The following LIN54 variants were observed in gnomAD, a reference collection of about 807,000 sequenced individuals.
The protein encoded by LIN54 is lin-54 DREAM MuvB core complex component, also known as protein lin-54 homolog.
A neutral mutation model predicts 78.7 loss-of-function variants in LIN54; 9 were observed. The ratio of observed to expected loss-of-function variants is 0.11; its 90% CI spans 0.07 to 0.20. LIN54 has a LOEUF of 0.20. Ranked by LOEUF, LIN54 falls within the 10% of genes least tolerant of loss-of-function variation. The probability of loss-of-function intolerance (pLI) is 1.00; values close to 1 mark genes in which losing one functional copy is unlikely to be tolerated. For synonymous variants in LIN54, 269 were observed against 318.4 expected, an observed-to-expected ratio of 0.84 and a Z score of 1.65; for missense variants, 573 against 889.9, an observed-to-expected ratio of 0.64 and a Z score of 4.53.
chr4:82,960,844 T>A (rs1037187125), intron 4 of LIN54, among the ~76,000 whole-genome samples: 15 of 152,102 alleles, frequency 9.9e-5, no homozygotes, highest in Admixed American at 3.9e-4. Flanking sequence ...GTAGGTCGCT[T>A]GAACCCAGGA....
intron 1 of LIN54, among the ~76,000 whole-genome samples, chr4:82,997,571 C>T (rs542076873): frequency 6.6e-6 from 1 of 152,110 alleles, no homozygotes; most frequent in South Asian, 2.1e-4. Flanking sequence ...AACATGATCA[C>T]AGTTATATTT....
chr4:82,971,539 A>G (rs1271498687), intron 3 of LIN54, among the ~76,000 whole-genome samples: 1 of 150,280 alleles, frequency 6.7e-6, no homozygotes, highest in Non-Finnish European at 1.5e-5. Context: ...ATTGAATTTA[A>G]AAAAAAAAAA....
At chr4:82,966,763 C>T (rs1232747607) in intron 4 of LIN54, among the ~76,000 whole-genome samples, 2 of 152,018 alleles carry the variant, frequency 1.3e-5, no homozygotes, top group Non-Finnish European at 2.9e-5. Context: ...GGATGTGCCA[C>T]CATGCCCAGC....
At chr4:83,012,816 CT>C (rs1729936398), upstream of LIN54, 1 of 151,800 alleles carries the variant, frequency 6.6e-6, no homozygotes, top group Non-Finnish European at 1.5e-5. Flanking sequence ...CCGCCGCCTC[CT>C]GGTCGCGCGG....
At chr4:82,959,338 T>G (rs377644973) in intron 4 of LIN54, among the ~76,000 whole-genome samples, 22 of 151,984 alleles carry the variant, frequency 1.4e-4, no homozygotes, top group Admixed American at 9.8e-4. Flanking sequence ...CAAAAAAAAT[T>G]TTTTTAATTA....
At chr4:82,984,948 G>A in intron 1 of LIN54, 72 bp from the exon 2 acceptor site, 2 of 989,432 alleles carry the variant, frequency 2.0e-6, no homozygotes, top group South Asian at 3.3e-5. Flanking sequence ...CAAAAAAAAT[G>A]CAAATGGCAA....
upstream of LIN54, chr4:83,011,921 G>T: frequency 1.9e-6 from 1 of 535,416 alleles, no homozygotes; most frequent in Non-Finnish European, 2.4e-6. Flanking sequence ...TGGGCAAACT[G>T]AATTTCAAGG....
At chr4:82,943,740 AGGAAGCAGAAG>A (rs1245714949) in intron 5 of LIN54, among the ~76,000 whole-genome samples, 1 of 152,108 alleles carries the variant, frequency 6.6e-6, no homozygotes, top group Non-Finnish European at 1.5e-5. Flanking sequence ...AAAGCAAAAA[AGGAAGCAGAAG>A]GGAAGCAGAA....
At chr4:83,003,504 T>A (rs1729040393) in intron 1 of LIN54, 1 of 152,070 alleles carries the variant, frequency 6.6e-6, no homozygotes, top group African/African-American at 2.4e-5. Context: ...ATTTGTGAAG[T>A]GTTCCATGAA....
At chr4:82,993,029 GAA>G (rs35355547) in intron 1 of LIN54, among the ~76,000 whole-genome samples, 3 of 101,112 alleles carry the variant, frequency 3.0e-5, no homozygotes, top group Admixed American at 1.1e-4. Context: ...CTCTGTCTCA[GAA>G]AAAAAAAAAA....
At chr4:82,976,885 C>G (rs900502960) in intron 3 of LIN54, among the ~76,000 whole-genome samples, 1 of 152,096 alleles carries the variant, frequency 6.6e-6, no homozygotes, top group African/African-American at 2.4e-5. Flanking sequence ...ATTATCCCTC[C>G]AAACTGAACT....
chr4:82,992,543 A>G (rs1578632233), intron 1 of LIN54, among the ~76,000 whole-genome samples: 1 of 152,146 alleles, frequency 6.6e-6, no homozygotes, highest in East Asian at 1.9e-4. Flanking sequence ...TGGGTGTGGT[A>G]GGGCCTGCTT....
At chr4:82,939,396 G>A in intron 7 of LIN54, 143 bp downstream of exon 7, 1 of 707,770 alleles carries the variant, frequency 1.4e-6, no homozygotes. Context: ...TAAACTTAAA[G>A]GTTTGGGTTA....
intron 4 of LIN54, among the ~76,000 whole-genome samples, chr4:82,968,747 C>A (rs1360609080): frequency 6.6e-6 from 1 of 152,172 alleles, no homozygotes; most frequent in Middle Eastern, 3.2e-3. Flanking sequence ...ACTAACCTAA[C>A]TGGTCTCTCC....
intron 1 of LIN54, among the ~76,000 whole-genome samples, chr4:82,989,142 C>G (rs1233583828): frequency 1.3e-5 from 2 of 151,664 alleles, no homozygotes; most frequent in Non-Finnish European, 2.9e-5. Context: ...GAGCCAAGAT[C>G]ACGTCACTGC....
chr4:82,991,576 A>T (rs538659462), intron 1 of LIN54, among the ~76,000 whole-genome samples: 35 of 152,218 alleles, frequency 2.3e-4, no homozygotes, highest in Non-Finnish European at 4.3e-4. Context: ...AAAAGTGGTG[A>T]CAGCAGACAT....
intron 2 of LIN54, among the ~76,000 whole-genome samples, chr4:82,981,233 T>C (rs1206657053): frequency 2.6e-5 from 4 of 152,228 alleles, no homozygotes; most frequent in Non-Finnish European, 4.4e-5. Context: ...ATTCAGGAGC[T>C]AGTAAGGAGT....
intron 11 of LIN54, among the ~76,000 whole-genome samples, chr4:82,935,455 A>C (rs1428646534): frequency 6.6e-6 from 1 of 151,544 alleles, no homozygotes; most frequent in Non-Finnish European, 1.5e-5. Flanking sequence ...TGCCCGGCTA[A>C]TTTTTGTATT....
At chr4:83,003,807 T>C (rs1560799580) in intron 1 of LIN54, among the ~76,000 whole-genome samples, 1 of 152,204 alleles carries the variant, frequency 6.6e-6, no homozygotes. Context: ...ATTACAGGCA[T>C]GAGCTACTGC....
Sources: gnomAD v4.1 joint callset for allele counts (sites outside exome capture counted in the v4.1 genomes callset) on GRCh38, gnomAD v4.1.1 for gene constraint, MANE v1.5 for transcripts, NCBI Gene and HGNC (gene_info 2026-07-23, HGNC 2026-07-21) for gene names.